The following CIB1 variants were observed in gnomAD, a reference collection of about 807,000 sequenced individuals.
CIB1 encodes the protein calcium and integrin binding 1.
CIB1 carries 19 observed loss-of-function variants against 25.0 expected under a neutral mutation model. The ratio of observed to expected loss-of-function variants is 0.76; its 90% CI spans 0.53 to 1.12. CIB1 has a LOEUF of 1.12. Ranked by LOEUF, CIB1 falls within the 50% of genes most tolerant of loss-of-function variation. The probability of loss-of-function intolerance (pLI) is 0.00; values close to 1 mark genes in which losing one functional copy is unlikely to be tolerated. For missense variants in CIB1, 236 were observed against 242.6 expected, an observed-to-expected ratio of 0.97 and a Z score of 0.18; for synonymous variants, 104 against 98.5, an observed-to-expected ratio of 1.06 and a Z score of -0.33.
At chr15:90,262,784 C>A in the CIB1 span, 1 of 1,222,344 alleles carries the variant, frequency 8.2e-7, no homozygotes, top group Non-Finnish European at 1.1e-6. Context: ...GAGAGGAGTT[C>A]CTAATCAGTA....
At position 90,233,671 on chromosome 15, in the gene CIB1, G is replaced by C. The variant is rs143865724; in HGVS notation, c.84C>G (p.Leu28=). The change falls in exon 2 of 7, where the codon CTC becomes CTG. Residue 28 remains leucine, a splice_region_variant and synonymous_variant. Coordinates refer to ENST00000328649, the MANE Select transcript of CIB1 (RefSeq NM_006384.4). ...DLTFLTKQEI[L]LAHRRFCELL... The stretch of plus-strand genomic sequence containing the variant: ...GCAGGGTTCAAGGCAGCACTTACAG[G>C]AGGATCTCCTGCTTCGTCAGGAACG... 1.1e-5 allele frequency: 17 copies of C among 1,578,086 alleles called. No individual in the cohort carries two copies. The African/African-American group carries it at 2.2e-4, about 20-fold the overall frequency.
the CIB1 span, among the ~76,000 whole-genome samples, chr15:90,256,606 T>C: frequency 0.064 from 1,907 of 29,674 alleles, 84 homozygotes; most frequent in Middle Eastern, 0.19. Context: ...TCTTTCTTTC[T>C]TTCCTTCCTT....
chr15:90,241,813 C>T, the CIB1 span: 1 of 1,614,232 alleles, frequency 6.2e-7, no homozygotes, highest in Non-Finnish European at 8.5e-7. Context: ...AAGACATCAC[C>T]TTCCTCAGCC....
the CIB1 span, among the ~76,000 whole-genome samples, chr15:90,256,603 T>TTCTTTCTTTC: frequency 3.3e-5 from 1 of 29,906 alleles, no homozygotes; most frequent in African/African-American, 1.4e-4. Context: ...CTTTCTTTCT[T>TTCTTTCTTTC]TCTTTCCTTC....
At chr15:90,241,547 G>A in the CIB1 span, 39 of 1,613,098 alleles carry the variant, frequency 2.4e-5, no homozygotes, top group African/African-American at 1.3e-4. Context: ...GCTTGGCCTC[G>A]GTGAACCACC....
chr15:90,258,721 G>A, the CIB1 span: 3 of 1,607,172 alleles, frequency 1.9e-6, no homozygotes, highest in East Asian at 2.2e-5. Context: ...GGAAAGGGGT[G>A]TATAATGACT....
intron 2 of CIB1, 184 bp from the exon 3 acceptor site, chr15:90,232,511 C>T: frequency 3.4e-6 from 3 of 890,026 alleles, no homozygotes; most frequent in Non-Finnish European, 4.7e-6. Context: ...GCCTAGGAGT[C>T]TATTCTTGCA....
chr15:90,250,996 A>G, the CIB1 span: 1 of 1,412,232 alleles, frequency 7.1e-7, no homozygotes, highest in Non-Finnish European at 9.6e-7. Flanking sequence ...TTAGCCTACA[A>G]AAGAGGACAG....
chr15:90,258,876 G>A, the CIB1 span: 4 of 1,614,066 alleles, frequency 2.5e-6, no homozygotes, highest in East Asian at 4.5e-5. Flanking sequence ...GAGGATAAGC[G>A]GCGAGTCAAG....
chr15:90,235,636 T>G (rs1334889533), upstream of CIB1, among the ~76,000 whole-genome samples: 1 of 151,758 alleles, frequency 6.6e-6, no homozygotes, highest in African/African-American at 2.4e-5. Flanking sequence ...GGCATGATCT[T>G]GGCTCACTGC....
At chr15:90,259,110 C>T in the CIB1 span, 2 of 1,376,126 alleles carry the variant, frequency 1.5e-6, no homozygotes, top group Non-Finnish European at 1.9e-6. Flanking sequence ...TATCTGTAAT[C>T]CCAGCACTTT....
At chr15:90,249,231 A>C in the CIB1 span, among the ~76,000 whole-genome samples, 1 of 151,668 alleles carries the variant, frequency 6.6e-6, no homozygotes. Context: ...AAAAAAAAAA[A>C]AAAAAAGGGA....
chr15:90,242,089 CTTT>C, the CIB1 span: 1 of 1,557,400 alleles, frequency 6.4e-7, no homozygotes, highest in Non-Finnish European at 8.7e-7. Flanking sequence ...TATTTATGTT[CTTT>C]TTTTCTTTTC....
intron 2 of CIB1, 149 bp downstream of exon 2, chr15:90,233,519 GA>G: frequency 9.9e-7 from 1 of 1,005,906 alleles, no homozygotes. Context: ...GTGCCGGGAG[GA>G]GGGCGCAGCC....
At chr15:90,265,437 G>A in the CIB1 span, 1 of 1,310,896 alleles carries the variant, frequency 7.6e-7, no homozygotes, top group Non-Finnish European at 9.7e-7. Context: ...ACGGCTCTTG[G>A]AAACGGAATC....
the CIB1 span, among the ~76,000 whole-genome samples, chr15:90,252,458 G>A: frequency 1.3e-5 from 2 of 152,306 alleles, no homozygotes; most frequent in African/African-American, 4.8e-5. Flanking sequence ...TAGGATAACA[G>A]GCAGGAGCCA....
At chr15:90,251,232 GCCTCCCGAGTAGCTGGGACTACAGGCA>G in the CIB1 span, among the ~76,000 whole-genome samples, 2 of 147,558 alleles carry the variant, frequency 1.4e-5, no homozygotes, top group Admixed American at 7.0e-5. Flanking sequence ...TCCTGCCTCA[GCCTCCCGAGTAGCTGGGACTACAGGCA>G]CCTGCCACCA....
At chr15:90,255,392 G>A in the CIB1 span, among the ~76,000 whole-genome samples, 4 of 152,114 alleles carry the variant, frequency 2.6e-5, no homozygotes, top group East Asian at 3.9e-4. Flanking sequence ...GAATGCTTTC[G>A]TCTCATTGTC....
At chr15:90,258,257 C>T in the CIB1 span, 1 of 1,614,160 alleles carries the variant, frequency 6.2e-7, no homozygotes, top group African/African-American at 1.3e-5. Flanking sequence ...AGTTGAAGCC[C>T]TGGCTGCTAG....
Sources: allele counts gnomAD v4.1 joint callset (sites outside exome capture counted in the v4.1 genomes callset), GRCh38; gene constraint gnomAD v4.1.1; transcripts MANE v1.5; gene names NCBI Gene and HGNC (gene_info 2026-07-23, HGNC 2026-07-21).